The following ENOPH1 variants were observed in gnomAD, a reference collection of about 807,000 sequenced individuals.
The protein encoded by ENOPH1 is enolase-phosphatase E1.
In ENOPH1, 14 loss-of-function variants were observed where a neutral mutation model predicts 31.1. The observed-to-expected ratio is 0.45, with a 90% CI of 0.30 to 0.70. The LOEUF (loss-of-function observed/expected upper bound fraction) is 0.70. Among genes scored for constraint, ENOPH1 ranks in the 30% least tolerant of loss-of-function variants. The pLI is 0.09. For synonymous variants in ENOPH1, 127 were observed against 123.2 expected (o/e 1.03, Z -0.21); for missense variants, 243 against 321.5 (o/e 0.76, Z 1.87).
In ENOPH1 at chr4:82,452,988, G is replaced by A. The variant is rs569065507; in HGVS notation, c.390-1734G>A. On this transcript the variant is annotated intron_variant, in intron 3 of 5. Transcript: ENST00000273920. The stretch of plus-strand genomic sequence containing the variant: ...GTGATCTCAGCTCGCTGCAAGCTCC[G>A]CCTCCTGGGTTCACGCCATTCTCCT... 4.1e-5 allele frequency among the ~76,000 whole-genome samples: 6 copies of A among 146,384 alleles called. No homozygotes were observed. In the East Asian group the frequency reaches 1.2e-3, roughly 30 times the overall value.
In ENOPH1 at chr4:82,451,079, A is replaced by G. The variant is rs745436879; in HGVS notation, c.223A>G (p.Ile75Val). The change falls in exon 3 of 6, where the codon ATC becomes GTC. Residue 75 changes from isoleucine (I) to valine (V), a missense_variant. Ile to Val is a conservative substitution (Grantham distance 29). Transcript: ENST00000273920. ...CGCCCACCTGGATGGGGCTGTTCCT[A>G]TCCCTGCAGCATCTGGGAATGGAGT... is the stretch of plus-strand genomic sequence containing the variant. ...EDAHLDGAVP[I>V]PAASGNGVDD... 6 of 1,614,088 alleles carry G rather than the reference A, an allele frequency of 3.7e-6. No individual in the cohort carries two copies. Among genetic ancestry groups the G allele is most frequent in the African/African-American group, 1.3e-5 (1 of 74,946 alleles).
intron 2 of ENOPH1, among the ~76,000 whole-genome samples, chr4:82,448,705 C>T (rs557756707): frequency 4.0e-4 from 60 of 150,738 alleles, no homozygotes; most frequent in African/African-American, 1.3e-3. Context: ...GTGGATCACT[C>T]GAGGTCAGGA....
intron 1 of ENOPH1, among the ~76,000 whole-genome samples, chr4:82,441,282 A>G (rs1213986371): frequency 6.6e-6 from 1 of 152,128 alleles, no homozygotes; most frequent in African/African-American, 2.4e-5. Context: ...GGGATATTTT[A>G]TATGGTGGCA....
intron 1 of ENOPH1, among the ~76,000 whole-genome samples, chr4:82,441,566 A>G (rs895768311): frequency 7.9e-5 from 12 of 152,148 alleles, no homozygotes; most frequent in Non-Finnish European, 2.9e-5. Flanking sequence ...CCCGGGAGGC[A>G]GAGCTTGCAG....
intron 1 of ENOPH1, among the ~76,000 whole-genome samples, chr4:82,439,705 A>C (rs1721993477): frequency 6.6e-6 from 1 of 152,242 alleles, no homozygotes; most frequent in African/African-American, 2.4e-5. Context: ...TGAAGATTAA[A>C]ATGACATTAT....
At chr4:82,458,767 G>T (rs980866344) in intron 5 of ENOPH1, among the ~76,000 whole-genome samples, 3 of 152,180 alleles carry the variant, frequency 2.0e-5, no homozygotes, top group South Asian at 4.1e-4. Flanking sequence ...AGGAAGTAGG[G>T]GTGAGTGGAA....
chr4:82,454,581 C>A, intron 3 of ENOPH1, 141 bp from the exon 4 acceptor site: 1 of 808,038 alleles, frequency 1.2e-6, no homozygotes, highest in Non-Finnish European at 1.9e-6. Context: ...ATTAGAACTG[C>A]AGGAGTTTGT....
intron 3 of ENOPH1, among the ~76,000 whole-genome samples, chr4:82,451,960 TAGTAC>T (rs147401978): frequency 0.12 from 18,900 of 152,166 alleles, 1,261 homozygotes; most frequent in Middle Eastern, 0.28. Context: ...TTTGTATTTT[TAGTAC>T]AGATGGGGTT....
At chr4:82,449,096 C>T (rs936334037) in intron 2 of ENOPH1, among the ~76,000 whole-genome samples, 20 of 145,232 alleles carry the variant, frequency 1.4e-4, no homozygotes, top group African/African-American at 4.4e-4. Flanking sequence ...AAAAATTAGC[C>T]GGACATGGTG....
intron 1 of ENOPH1, among the ~76,000 whole-genome samples, chr4:82,437,266 A>G (rs1464596015): frequency 2.0e-5 from 3 of 152,200 alleles, no homozygotes; most frequent in African/African-American, 4.8e-5. Context: ...CAGAGTCCTT[A>G]AGACCCAGCT....
At chr4:82,445,887 C>T (rs1157312473) in intron 1 of ENOPH1, among the ~76,000 whole-genome samples, 1 of 152,222 alleles carries the variant, frequency 6.6e-6, no homozygotes, top group South Asian at 2.1e-4. Flanking sequence ...TCTCCAACTT[C>T]TAAGGCTGTT....
In ENOPH1 at chr4:82,454,835, CG is replaced by C; in HGVS notation, c.505del (p.Glu169ArgfsTer20). 6.2e-7 allele frequency: 1 copy of C among 1,612,414 alleles called. No homozygotes were observed. The highest frequency in any genetic ancestry group is 8.5e-7 in the Non-Finnish European group (1 of 1,179,548). On this transcript the variant is annotated frameshift_variant, in exon 4 of 6. Transcript: ENST00000273920. LOFTEE classifies it high-confidence loss of function. ...CAGAAACTGTTATTCGGGCATTCTA[CG>C]GAGGGAGATATTCTTGAGGTAGGTT... ...EAQKLLFGHS[T>X]EGDILELVDG...
At chr4:82,442,846 A>G (rs1722075164) in intron 1 of ENOPH1, among the ~76,000 whole-genome samples, 1 of 152,166 alleles carries the variant, frequency 6.6e-6, no homozygotes, top group Non-Finnish European at 1.5e-5. Flanking sequence ...TGTTGTTGAG[A>G]CAGAGTCCTG....
rs1285099273 is a variant in ENOPH1, at chr4:82,430,805, G to A, written c.-25G>A. The A allele has an allele frequency of 1.9e-6, 3 of 1,611,838 alleles. No individual in the cohort carries two copies. The highest frequency in any genetic ancestry group is 1.1e-5 in the South Asian group (1 of 91,020). On this transcript the variant is annotated 5_prime_UTR_variant, in exon 1 of 6. Transcript: ENST00000273920. ...CCTCCGCCCTCCCCAACAGCAGGCCGAGTCCCGTAGCATCCGGTAGGGAAA... is the reference window on the plus strand; with the variant it reads ...CCTCCGCCCTCCCCAACAGCAGGCCAAGTCCCGTAGCATCCGGTAGGGAAA...
intron 2 of ENOPH1, among the ~76,000 whole-genome samples, chr4:82,448,982 C>T (rs370684051): frequency 1.3e-5 from 2 of 148,578 alleles, no homozygotes; most frequent in Admixed American, 1.4e-4. Context: ...GGCGTGAACC[C>T]GGGAGGCGGA....
At chr4:82,446,674 T>G (rs1185994871) in intron 1 of ENOPH1, among the ~76,000 whole-genome samples, 1 of 147,592 alleles carries the variant, frequency 6.8e-6, no homozygotes, top group Non-Finnish European at 1.5e-5. Context: ...TTTTTTTTTT[T>G]TTGTGTGACG....
chr4:82,434,255 T>C (rs1484486635), intron 1 of ENOPH1, among the ~76,000 whole-genome samples: 1 of 152,074 alleles, frequency 6.6e-6, no homozygotes, highest in Admixed American at 6.5e-5. Flanking sequence ...AGTATGAGAG[T>C]TCTTTAATCA....
chr4:82,451,492 G>A lies in ENOPH1; in HGVS notation c.389+247G>A, dbSNP rs189287623. On this transcript the variant is annotated intron_variant, in intron 3 of 5. Transcript: ENST00000273920. The stretch of plus-strand genomic sequence containing the variant: ...GATTGAAGGACTTGTCAAAGTCTCC[G>A]TTTAAAATAGCTTCCTAGAAAATGG... Among the ~76,000 whole-genome samples the A allele has an allele frequency of 1.6e-3, 239 of 152,282 alleles. 1 individual carries two copies. Among genetic ancestry groups the A allele is most frequent in the Middle Eastern group, 3.4e-3 (1 of 294 alleles).
intron 1 of ENOPH1, among the ~76,000 whole-genome samples, chr4:82,432,702 C>T (rs1721803744): frequency 6.7e-6 from 1 of 149,704 alleles, no homozygotes. Flanking sequence ...GTCTCCCAGG[C>T]TGGAATACAG....
Sources: allele counts gnomAD v4.1 joint callset (sites outside exome capture counted in the v4.1 genomes callset), GRCh38; gene constraint gnomAD v4.1.1; transcripts MANE v1.5; gene names NCBI Gene and HGNC (gene_info 2026-07-23, HGNC 2026-07-21).